The following TMTC1 variants were observed in gnomAD, a reference collection of about 807,000 sequenced individuals.
TMTC1 encodes protein O-mannosyl-transferase TMTC1.
TMTC1 carries 73 observed loss-of-function variants against 104.8 expected under a neutral mutation model. The observed-to-expected ratio is 0.70, with a 90% confidence interval of 0.58 to 0.85. The LOEUF (loss-of-function observed/expected upper bound fraction) is 0.85, where lower values mean the gene tolerates loss of function less well. TMTC1 is among the 40% of genes least tolerant of loss of function. TMTC1 has a pLI of 0.00. For missense variants in TMTC1, 1,035 were observed against 1,096.1 expected (o/e 0.94, Z 0.79); for synonymous variants, 434 against 428.7 (o/e 1.01, Z -0.15).
chr12:29,755,640 G>A (rs1943196287), intron 4 of TMTC1, 69 bp downstream of exon 4: 1 of 1,108,382 alleles, frequency 9.0e-7, no homozygotes, highest in Non-Finnish European at 1.2e-6. Context: ...ATGGAAGTTT[G>A]GAAACTATTA....
chr12:29,698,093 T>C (rs1941477628), intron 5 of TMTC1, among the ~76,000 whole-genome samples: 2 of 152,176 alleles, frequency 1.3e-5, no homozygotes, highest in Admixed American at 1.3e-4. Context: ...GCCTAAAGAC[T>C]GGACCAACCA....
chr12:29,552,121 C>T (rs2136244172), intron 10 of TMTC1, among the ~76,000 whole-genome samples: 1 of 152,212 alleles, frequency 6.6e-6, no homozygotes, highest in East Asian at 1.9e-4. Context: ...GACAAAGACT[C>T]ATATTTCTTT....
intron 9 of TMTC1, among the ~76,000 whole-genome samples, chr12:29,571,120 C>A (rs1945664493): frequency 6.6e-6 from 1 of 152,036 alleles, no homozygotes; most frequent in African/African-American, 2.4e-5. Context: ...AAAGTGAAAC[C>A]GTTTCAGGAA....
intron 11 of TMTC1, chr12:29,520,944 C>T (rs947480313): frequency 3.4e-5 from 16 of 464,106 alleles, no homozygotes; most frequent in Admixed American, 1.5e-4. Flanking sequence ...TCCCTTAGGG[C>T]GAAAAAGATG....
chr12:29,617,984 C>T (rs2136450671), intron 6 of TMTC1, among the ~76,000 whole-genome samples: 1 of 152,224 alleles, frequency 6.6e-6, no homozygotes, highest in Admixed American at 6.5e-5. Flanking sequence ...ATAGACTGGA[C>T]CTTGGCGCAA....
intron 6 of TMTC1, among the ~76,000 whole-genome samples, chr12:29,630,079 T>G (rs1264121646): frequency 6.6e-6 from 1 of 152,234 alleles, no homozygotes. Context: ...AAAATGTTAT[T>G]TCAAGTTATA....
chr12:29,644,195 A>G (rs1213821802), intron 5 of TMTC1, among the ~76,000 whole-genome samples: 2 of 144,390 alleles, frequency 1.4e-5, no homozygotes, highest in African/African-American at 5.2e-5. Context: ...AAAAGGAATG[A>G]ATTTATGGCA....
At position 29,516,364 on chromosome 12, in the gene TMTC1, C is replaced by T. The variant is rs144450049; in HGVS notation, c.2292G>A (p.Gln764=). The change falls in exon 15 of 18, where the codon CAG becomes CAA. Residue 764 remains glutamine (Q), a synonymous_variant. Transcript: ENST00000539277. ...CCTTCTTTACCTTGTCGTGGTTCTC[C>T]TGCTTGCTATAGATGGCTGACAAGA... ...YRLLSAIYSK[Q]ENHDKALDAI... 2.1e-5 allele frequency: 34 copies of T among 1,613,240 alleles called. No homozygotes were observed. Among genetic ancestry groups the T allele is most frequent in the Non-Finnish European group, 2.9e-5 (34 of 1,179,568 alleles).
intron 5 of TMTC1, among the ~76,000 whole-genome samples, chr12:29,714,770 C>G (rs1397314995): frequency 1.3e-5 from 2 of 152,184 alleles, no homozygotes; most frequent in Non-Finnish European, 2.9e-5. Flanking sequence ...AAATGCTGGG[C>G]ATGATATGTC....
intron 5 of TMTC1, among the ~76,000 whole-genome samples, chr12:29,686,845 T>G (rs576089407): frequency 6.6e-4 from 101 of 152,356 alleles, no homozygotes; most frequent in Admixed American, 1.8e-3. Flanking sequence ...TCTATATAAA[T>G]TATTTGAAGT....
At chr12:29,736,446 G>A (rs546728067) in intron 5 of TMTC1, among the ~76,000 whole-genome samples, 1 of 151,874 alleles carries the variant, frequency 6.6e-6, no homozygotes, top group South Asian at 2.1e-4. Context: ...TTAAGACAGA[G>A]TCTTATTTGG....
chr12:29,773,693 A>T (rs1282066246), intron 1 of TMTC1, among the ~76,000 whole-genome samples: 2 of 152,150 alleles, frequency 1.3e-5, no homozygotes, highest in Non-Finnish European at 2.9e-5. Flanking sequence ...ATTCCTAGGG[A>T]CAATATGATT....
Position 29,501,062 on chromosome 12 carries a change from CT to C in TMTC1, c.*5783del, listed in dbSNP as rs1251843404. ...AGAACATGATGCAAATCATTTCCCC[CT>C]GACAAAAGGAGGGATCTGCGTGAAT... is the stretch of plus-strand genomic sequence containing the variant. On this transcript the variant is annotated 3_prime_UTR_variant, in exon 18 of 18. Transcript: ENST00000539277. 4 of 152,524 alleles carry C rather than the reference CT, an allele frequency of 2.6e-5. No individual in the cohort carries two copies. Among genetic ancestry groups the C allele is most frequent in the Admixed American group, 2.6e-4 (4 of 15,268 alleles). The allele number at this position is 152,524 out of a possible 1,614,324, so 9.4% of individuals were successfully genotyped here. A position where few individuals can be genotyped will look rare whatever the true frequency, so the allele number is the denominator to read the frequency against.
intron 7 of TMTC1, among the ~76,000 whole-genome samples, chr12:29,596,929 A>G (rs911567900): frequency 3.3e-5 from 5 of 152,192 alleles, no homozygotes; most frequent in Admixed American, 1.3e-4. Context: ...AAGACTCAGC[A>G]CCACTCACCC....
At chr12:29,569,922 A>G (rs1945620164) in intron 9 of TMTC1, among the ~76,000 whole-genome samples, 1 of 152,218 alleles carries the variant, frequency 6.6e-6, no homozygotes. Context: ...GTTTCACAGC[A>G]AAGAAACGGA....
At chr12:29,617,812 G>A (rs1195117011) in intron 6 of TMTC1, among the ~76,000 whole-genome samples, 1 of 152,124 alleles carries the variant, frequency 6.6e-6, no homozygotes, top group African/African-American at 2.4e-5. Flanking sequence ...ATAATGGAGT[G>A]GGGGTTGGAT....
intron 6 of TMTC1, among the ~76,000 whole-genome samples, chr12:29,628,334 T>C (rs1180909416): frequency 3.3e-5 from 5 of 152,036 alleles, no homozygotes; most frequent in African/African-American, 7.2e-5. Flanking sequence ...ATCAAGAATA[T>C]GGTGTTAAGT....
intron 10 of TMTC1, among the ~76,000 whole-genome samples, chr12:29,549,766 G>T (rs183756136): frequency 5.1e-4 from 78 of 152,240 alleles, no homozygotes; most frequent in African/African-American, 1.8e-3. Context: ...TGTGTACAGG[G>T]CACTGAGGAG....
intron 5 of TMTC1, among the ~76,000 whole-genome samples, chr12:29,677,825 T>C (rs562456880): frequency 6.6e-6 from 1 of 152,380 alleles, no homozygotes; most frequent in South Asian, 2.1e-4. Flanking sequence ...TACTTAATAA[T>C]GCCCCACACA....
Sources: allele counts gnomAD v4.1 joint callset (sites outside exome capture counted in the v4.1 genomes callset), GRCh38; gene constraint gnomAD v4.1.1; transcripts MANE v1.5; gene names NCBI Gene and HGNC (gene_info 2026-07-23, HGNC 2026-07-21).